Variants in NGLY1 observed in about 807,000 individuals in gnomAD.
NGLY1 encodes the protein peptide-N(4)-(N-acetyl-beta-glucosaminyl)asparagine amidase.
Under a neutral mutation model 84.6 loss-of-function variants are expected in NGLY1, and 68 were observed. The ratio of observed to expected loss-of-function variants is 0.80; its 90% CI spans 0.66 to 0.98. The LOEUF is 0.98. Among genes scored for constraint, NGLY1 ranks in the 50% least tolerant of loss-of-function variants. NGLY1 has a pLI of 0.00. For synonymous variants in NGLY1, 280 were observed against 275.2 expected, an observed-to-expected ratio of 1.02 and a Z score of -0.17; for missense variants, 779 against 770.2, an observed-to-expected ratio of 1.01 and a Z score of -0.14.
At chr3:25,778,718 TA>T (rs760875539) in intron 1 of NGLY1, 30 bp from the exon 2 acceptor site, 14 of 1,392,400 alleles carry the variant, frequency 1.0e-5, no homozygotes, top group South Asian at 2.5e-5. Context: ...TGATTATATA[TA>T]AAAAAAACCA....
At chr3:25,744,944 T>C (rs1706344057) in intron 4 of NGLY1, among the ~76,000 whole-genome samples, 1 of 152,174 alleles carries the variant, frequency 6.6e-6, no homozygotes, top group Non-Finnish European at 1.5e-5. Context: ...AGCTCCAGAC[T>C]GACTACTTCC....
chr3:25,731,493 G>A (rs1035970249), intron 9 of NGLY1, among the ~76,000 whole-genome samples: 1 of 152,074 alleles, frequency 6.6e-6, no homozygotes, highest in African/African-American at 2.4e-5. Flanking sequence ...TATACTGCTG[G>A]TGAGAGTATA....
At chr3:25,728,844 T>C (rs562023379) in intron 10 of NGLY1, among the ~76,000 whole-genome samples, 1 of 152,246 alleles carries the variant, frequency 6.6e-6, no homozygotes, top group South Asian at 2.1e-4. Context: ...TATATGTTCA[T>C]GCAAAAATCA....
intron 2 of NGLY1, among the ~76,000 whole-genome samples, chr3:25,774,970 C>T (rs1031670583): frequency 1.3e-5 from 2 of 152,168 alleles, no homozygotes; most frequent in Non-Finnish European, 2.9e-5. Flanking sequence ...CCTGCAGGCT[C>T]TTCTCGCTGC....
intron 10 of NGLY1, among the ~76,000 whole-genome samples, chr3:25,728,017 A>C (rs1449348063): frequency 1.3e-5 from 2 of 152,154 alleles, no homozygotes; most frequent in African/African-American, 4.8e-5. Context: ...GTATCTCGAA[A>C]TTTTAAATTT....
chr3:25,751,931 G>T (rs1186358229), intron 3 of NGLY1, among the ~76,000 whole-genome samples: 1 of 152,138 alleles, frequency 6.6e-6, no homozygotes, highest in Non-Finnish European at 1.5e-5. Context: ...AAGGAAAGGG[G>T]AGTAACCAAG....
chr3:25,779,999 G>A (rs964908405), intron 1 of NGLY1, among the ~76,000 whole-genome samples: 20 of 152,284 alleles, frequency 1.3e-4, no homozygotes, highest in African/African-American at 4.3e-4. Context: ...GCAAGAAGTA[G>A]AGAAATTGAA....
At chr3:25,736,434 A>C in intron 6 of NGLY1, 3 of 1,487,562 alleles carry the variant, frequency 2.0e-6, no homozygotes, top group Non-Finnish European at 2.7e-6. Context: ...GAGCAGCATA[A>C]AAAATATCAT....
At chr3:25,726,844 T>TG (rs1233601227) in intron 10 of NGLY1, among the ~76,000 whole-genome samples, 1 of 152,384 alleles carries the variant, frequency 6.6e-6, no homozygotes, top group East Asian at 1.9e-4. Context: ...AAAAGCGTAC[T>TG]GGTCTTCTTG....
chr3:25,785,683 A>G (rs1708588656), upstream of NGLY1, among the ~76,000 whole-genome samples: 1 of 152,166 alleles, frequency 6.6e-6, no homozygotes, highest in African/African-American at 2.4e-5. Context: ...AAAAAAAACA[A>G]AAACAAAAAC....
chr3:25,780,687 A>C (rs1708373444), intron 1 of NGLY1, among the ~76,000 whole-genome samples: 1 of 152,304 alleles, frequency 6.6e-6, no homozygotes, highest in East Asian at 1.9e-4. Context: ...CAATGACGCC[A>C]TCAAAGCTCA....
At position 25,719,964 on chromosome 3, in the gene NGLY1, CA is replaced by C. The variant is rs760258722; in HGVS notation, c.1789+49del. 17 of 1,484,656 alleles carry C rather than the reference CA, an allele frequency of 1.1e-5. No homozygotes were observed. In the East Asian group the frequency reaches 3.7e-4, roughly 32 times the overall value. 92.0% of individuals were successfully genotyped at this position (1,484,656 alleles called of 1,614,324 possible). On this transcript the variant is annotated intron_variant, in intron 11 of 11. Transcript: ENST00000280700. ...ATCTCAAATAAGTACAATTAGTCTTCAGAGTGGTAAATATATATTTCGTGAT... is the reference window on the plus strand; with the variant it reads ...ATCTCAAATAAGTACAATTAGTCTTCGAGTGGTAAATATATATTTCGTGAT...
At chr3:25,789,736 G>T (rs941658454) in intron 1 of NGLY1, 55 of 1,212,902 alleles carry the variant, frequency 4.5e-5, no homozygotes, top group South Asian at 4.2e-4. Flanking sequence ...AAACTGCAGA[G>T]AATTTCCTTA....
chr3:25,782,255 T>C (rs1708453425), intron 1 of NGLY1, among the ~76,000 whole-genome samples: 1 of 152,172 alleles, frequency 6.6e-6, no homozygotes, highest in African/African-American at 2.4e-5. Context: ...ACGTGAAACC[T>C]ATAACCTTGA....
intron 3 of NGLY1, among the ~76,000 whole-genome samples, chr3:25,753,711 C>G (rs1706881106): frequency 6.6e-6 from 1 of 150,752 alleles, no homozygotes; most frequent in Non-Finnish European, 1.5e-5. Flanking sequence ...AGGAATAAAC[C>G]TATTATAGAA....
intron 1 of NGLY1, among the ~76,000 whole-genome samples, chr3:25,782,005 A>C (rs1198998129): frequency 1.3e-5 from 2 of 152,128 alleles, no homozygotes; most frequent in African/African-American, 4.8e-5. Flanking sequence ...TAAGGCCTCA[A>C]AGAGTAAAAA....
chr3:25,749,579 A>C (rs1254400364), intron 4 of NGLY1: 7 of 1,528,338 alleles, frequency 4.6e-6, no homozygotes, highest in Non-Finnish European at 6.3e-6. Flanking sequence ...TATGTCAAAA[A>C]TTAAGTGTAA....
chr3:25,731,415 G>A (rs1003961297), intron 9 of NGLY1, among the ~76,000 whole-genome samples: 9 of 151,932 alleles, frequency 5.9e-5, no homozygotes, highest in South Asian at 2.1e-4. Context: ...ACTACTATAC[G>A]CCACCAGAAC....
At chr3:25,761,654 T>C (rs933630908) in intron 3 of NGLY1, among the ~76,000 whole-genome samples, 6 of 152,204 alleles carry the variant, frequency 3.9e-5, no homozygotes, top group African/African-American at 1.4e-4. Context: ...TGGTAATTTC[T>C]TAAAAACATA....
Sources: allele counts gnomAD v4.1 joint callset (sites outside exome capture counted in the v4.1 genomes callset), GRCh38; gene constraint gnomAD v4.1.1; transcripts MANE v1.5; gene names NCBI Gene and HGNC (gene_info 2026-07-23, HGNC 2026-07-21).